Variants in NYAP2 observed in about 807,000 individuals in gnomAD.
The protein encoded by NYAP2 is neuronal tyrosine-phosphorylated phosphoinositide-3-kinase adaptor 2, also known as neuronal tyrosine-phosphorylated phosphoinositide-3-kinase adapter 2.
Under a neutral mutation model 50.4 loss-of-function variants are expected in NYAP2, and 23 were observed. The ratio of observed to expected loss-of-function variants is 0.46; its 90% CI spans 0.33 to 0.65. The LOEUF is 0.65. NYAP2 is among the 30% of genes least tolerant of loss of function. The probability of loss-of-function intolerance (pLI) is 0.02; values close to 1 mark genes in which losing one functional copy is unlikely to be tolerated. For missense variants in NYAP2, 885 were observed against 861.0 expected (o/e 1.03, Z -0.35); for synonymous variants, 394 against 365.2 (o/e 1.08, Z -0.90).
At chr2:225,462,755 A>G (rs1347812840) in intron 3 of NYAP2, among the ~76,000 whole-genome samples, 1 of 152,070 alleles carries the variant, frequency 6.6e-6, no homozygotes, top group Non-Finnish European at 1.5e-5. Context: ...AGATTGAAAT[A>G]TAATTTAGAG....
At chr2:225,545,536 T>C (rs1374372191) in intron 4 of NYAP2, among the ~76,000 whole-genome samples, 1 of 152,194 alleles carries the variant, frequency 6.6e-6, no homozygotes, top group Non-Finnish European at 1.5e-5. Flanking sequence ...TTGATTTTTC[T>C]TAATTTTTTC....
At chr2:225,496,885 A>G (rs983735155) in intron 3 of NYAP2, among the ~76,000 whole-genome samples, 3 of 152,226 alleles carry the variant, frequency 2.0e-5, no homozygotes, top group African/African-American at 7.2e-5. Context: ...AATGAGACCA[A>G]CTAAGATACT....
intron 3 of NYAP2, among the ~76,000 whole-genome samples, chr2:225,485,692 TCA>T (rs1690280963): frequency 6.6e-6 from 1 of 152,196 alleles, no homozygotes; most frequent in African/African-American, 2.4e-5. Flanking sequence ...TTACTGAATC[TCA>T]CAGCCTTGCA....
intron 4 of NYAP2, among the ~76,000 whole-genome samples, chr2:225,528,799 G>A (rs571759145): frequency 6.6e-6 from 1 of 152,306 alleles, no homozygotes; most frequent in Admixed American, 6.5e-5. Flanking sequence ...TTTATGCTGT[G>A]TACCTTTCTG....
chr2:225,450,974 T>C (rs1328650832), intron 3 of NYAP2, among the ~76,000 whole-genome samples: 1 of 152,088 alleles, frequency 6.6e-6, no homozygotes, highest in Admixed American at 6.6e-5. Context: ...TCACTTAGGC[T>C]GGGGGAGGGG....
intron 3 of NYAP2, among the ~76,000 whole-genome samples, chr2:225,479,842 T>G (rs917565908): frequency 8.5e-5 from 13 of 152,272 alleles, no homozygotes; most frequent in African/African-American, 3.1e-4. Context: ...TTTGTACCAA[T>G]GTGATTCCCT....
At chr2:225,597,512 A>ATATATATATATATATAT (rs1692622687) in intron 5 of NYAP2, among the ~76,000 whole-genome samples, 1 of 46,220 alleles carries the variant, frequency 2.2e-5, no homozygotes, top group Non-Finnish European at 4.8e-5. Context: ...TCCAAGGAGA[A>ATATATATATATATATAT]ATATATATAT....
Position 225,520,753 on chromosome 2 carries a change from C to T in NYAP2, c.523+7081C>T, listed in dbSNP as rs545092451. ...TTGGCTTAGGATTGACTTGGCGATG[C>T]CGGCTCTTTTTTGGTTCCATATGAA... On this transcript the variant is annotated intron_variant, in intron 4 of 6. Coordinates refer to ENST00000636099, the Ensembl canonical transcript of NYAP2. Among the ~76,000 whole-genome samples the T allele has an allele frequency of 2.8e-3, 421 of 152,202 alleles. 2 individuals carry two copies. Among genetic ancestry groups the T allele is most frequent in the African/African-American group, 9.5e-3 (393 of 41,518 alleles).
At chr2:225,585,043 A>T (rs1214604563) in intron 5 of NYAP2, among the ~76,000 whole-genome samples, 1 of 152,182 alleles carries the variant, frequency 6.6e-6, no homozygotes, top group Non-Finnish European at 1.5e-5. Flanking sequence ...CTGCCACCTG[A>T]TCCCACACAG....
At chr2:225,530,291 C>T (rs1691231308) in intron 4 of NYAP2, among the ~76,000 whole-genome samples, 1 of 152,062 alleles carries the variant, frequency 6.6e-6, no homozygotes, top group Non-Finnish European at 1.5e-5. Context: ...GTCCTGCATC[C>T]CTCCCTTCCT....
chr2:225,505,244 C>T (rs1331754477), intron 3 of NYAP2, among the ~76,000 whole-genome samples: 1 of 151,794 alleles, frequency 6.6e-6, no homozygotes, highest in African/African-American at 2.4e-5. Flanking sequence ...AAATTAATGT[C>T]TGAAAAAAAC....
At chr2:225,669,744 AT>A in the NYAP2 span, among the ~76,000 whole-genome samples, 1 of 152,194 alleles carries the variant, frequency 6.6e-6, no homozygotes, top group Non-Finnish European at 1.5e-5. Flanking sequence ...TCAAAGTAGC[AT>A]TCAGTTCAGT....
At chr2:225,595,373 G>C (rs1484244335) in intron 5 of NYAP2, among the ~76,000 whole-genome samples, 2 of 152,128 alleles carry the variant, frequency 1.3e-5, no homozygotes, top group Non-Finnish European at 2.9e-5. Context: ...GGATGAAAAA[G>C]GATTTAGTTG....
chr2:225,542,031 T>C (rs1401618380), intron 4 of NYAP2, among the ~76,000 whole-genome samples: 1 of 152,144 alleles, frequency 6.6e-6, no homozygotes, highest in African/African-American at 2.4e-5. Flanking sequence ...TTTTATTTTA[T>C]TTGTAGCTAT....
intron 3 of NYAP2, among the ~76,000 whole-genome samples, chr2:225,499,337 C>T (rs1311769508): frequency 1.3e-5 from 2 of 148,226 alleles, no homozygotes; most frequent in Non-Finnish European, 3.0e-5. Context: ...TTTTTTTTGA[C>T]GGAGTCTTGC....
intron 3 of NYAP2, among the ~76,000 whole-genome samples, chr2:225,504,562 G>C (rs1243911189): frequency 1.3e-5 from 2 of 152,080 alleles, no homozygotes; most frequent in African/African-American, 2.4e-5. Flanking sequence ...ATAAAGATAA[G>C]CATAATTGAA....
intron 3 of NYAP2, among the ~76,000 whole-genome samples, chr2:225,429,189 G>A (rs1695328529): frequency 6.6e-6 from 1 of 152,126 alleles, no homozygotes; most frequent in Non-Finnish European, 1.5e-5. Flanking sequence ...GGGTGTCGAG[G>A]GGGGATTTAG....
At chr2:225,423,270 C>T (rs1318767024) in intron 3 of NYAP2, among the ~76,000 whole-genome samples, 1 of 152,214 alleles carries the variant, frequency 6.6e-6, no homozygotes, top group East Asian at 1.9e-4. Context: ...GTCATTAATG[C>T]AGTGACCCTG....
chr2:225,595,113 T>G (rs1413909858), intron 5 of NYAP2, among the ~76,000 whole-genome samples: 1 of 152,210 alleles, frequency 6.6e-6, no homozygotes, highest in Non-Finnish European at 1.5e-5. Flanking sequence ...CTACTCAACT[T>G]TCAGTTATAT....
Sources: allele counts gnomAD v4.1 joint callset (sites outside exome capture counted in the v4.1 genomes callset), GRCh38; gene constraint gnomAD v4.1.1; transcripts MANE v1.5; gene names NCBI Gene and HGNC (gene_info 2026-07-23, HGNC 2026-07-21).